The following CSRNP3 variants were observed in gnomAD, a reference collection of about 807,000 sequenced individuals.
CSRNP3 encodes cysteine/serine-rich nuclear protein 3.
In CSRNP3, 12 loss-of-function variants were observed where a neutral mutation model predicts 48.0. That is an observed-to-expected ratio of 0.25 (90% confidence interval 0.16 to 0.41). CSRNP3 has a LOEUF of 0.41. Ranked by LOEUF, CSRNP3 falls within the 10% of genes least tolerant of loss-of-function variation. The pLI is 1.00. For missense variants in CSRNP3, 580 were observed against 724.4 expected, an observed-to-expected ratio of 0.80 and a Z score of 2.29; for synonymous variants, 263 against 269.7, an observed-to-expected ratio of 0.98 and a Z score of 0.24.
chr2:165,520,802 TATA>T (rs1354051653), intron 3 of CSRNP3, among the ~76,000 whole-genome samples: 1 of 57,404 alleles, frequency 1.7e-5, no homozygotes, highest in Non-Finnish European at 3.2e-5. Flanking sequence ...TATATATATA[TATA>T]TATATATATA....
At chr2:165,472,900 G>A (rs958411186) in intron 1 of CSRNP3, among the ~76,000 whole-genome samples, 1 of 151,998 alleles carries the variant, frequency 6.6e-6, no homozygotes, top group Non-Finnish European at 1.5e-5. Flanking sequence ...ATGTCAGTAC[G>A]TTATTTTCAA....
intron 3 of CSRNP3, among the ~76,000 whole-genome samples, chr2:165,591,133 G>A (rs1685709943): frequency 6.6e-6 from 1 of 152,144 alleles, no homozygotes; most frequent in Non-Finnish European, 1.5e-5. Context: ...ATAGTGATAT[G>A]GACAATGAAG....
At chr2:165,603,086 G>A (rs567256481) in intron 4 of CSRNP3, among the ~76,000 whole-genome samples, 23 of 151,680 alleles carry the variant, frequency 1.5e-4, no homozygotes, top group Admixed American at 1.2e-3. Context: ...TAGTAGAGAC[G>A]GGGCTTCACC....
intron 5 of CSRNP3, 56 bp downstream of exon 5, chr2:165,658,076 A>G: frequency 6.4e-7 from 1 of 1,554,050 alleles, no homozygotes. Flanking sequence ...AATTTGATTG[A>G]GTTAACCATT....
At chr2:165,549,711 G>A (rs1685074057) in intron 3 of CSRNP3, among the ~76,000 whole-genome samples, 2 of 152,138 alleles carry the variant, frequency 1.3e-5, no homozygotes, top group Non-Finnish European at 2.9e-5. Context: ...AGGAGATAAA[G>A]ACCATATTTT....
At chr2:165,480,954 G>A (rs1174659821) in intron 1 of CSRNP3, among the ~76,000 whole-genome samples, 1 of 149,686 alleles carries the variant, frequency 6.7e-6, no homozygotes, top group African/African-American at 2.5e-5. Flanking sequence ...TTCAAAACCA[G>A]TCTGGACAAC....
intron 5 of CSRNP3, among the ~76,000 whole-genome samples, chr2:165,658,391 T>C (rs1043572482): frequency 2.0e-5 from 3 of 152,140 alleles, no homozygotes; most frequent in Non-Finnish European, 4.4e-5. Flanking sequence ...CACAACTTCA[T>C]TGAGTGCAAT....
rs554776057 is a variant in CSRNP3, at chr2:165,591,288, A to T, written c.-23-3755A>T. Among the ~76,000 whole-genome samples, 19 of 152,302 alleles carry T rather than the reference A, an allele frequency of 1.2e-4. No individual in the cohort carries two copies. The South Asian group carries it at 3.9e-3, about 32-fold the overall frequency. On this transcript the variant is annotated intron_variant, in intron 3 of 6. Coordinates refer to ENST00000651982, the MANE Select transcript of CSRNP3 (RefSeq NM_001172173.2). Reference sequence around the variant, plus strand: ...TTGAACTTGAGAGAGATGATTTAGGATATCTGGCAGAAGAAATTTCTGAGT... The same window carrying T: ...TTGAACTTGAGAGAGATGATTTAGGTTATCTGGCAGAAGAAATTTCTGAGT...
intron 3 of CSRNP3, among the ~76,000 whole-genome samples, chr2:165,525,080 T>C (rs1684715222): frequency 6.6e-6 from 1 of 152,362 alleles, no homozygotes. Flanking sequence ...ATGCCTTCAC[T>C]GACACTTGGT....
At chr2:165,635,636 A>G (rs1423751615) in intron 4 of CSRNP3, among the ~76,000 whole-genome samples, 1 of 152,190 alleles carries the variant, frequency 6.6e-6, no homozygotes, top group Admixed American at 6.5e-5. Context: ...TTGTTTTCAT[A>G]TGATATAATA....
In CSRNP3 at chr2:165,516,382, C is replaced by T. The variant is rs78530310; in HGVS notation, c.-112-1491C>T. On this transcript the variant is annotated intron_variant, in intron 2 of 6. Coordinates refer to ENST00000651982, the MANE Select transcript of CSRNP3 (RefSeq NM_001172173.2). The stretch of plus-strand genomic sequence containing the variant: ...GAATTTTAAGATATTTAAAATTATA[C>T]CTAAAATTGTACGGCAAGGTGACTA... Among the ~76,000 whole-genome samples, 1,258 of 152,094 alleles carry T rather than the reference C, an allele frequency of 8.3e-3. 23 individuals carry two copies. Among genetic ancestry groups the T allele is most frequent in the African/African-American group, 0.029 (1,184 of 41,466 alleles).
chr2:165,633,342 A>G (rs1686569850), intron 4 of CSRNP3, among the ~76,000 whole-genome samples: 1 of 152,232 alleles, frequency 6.6e-6, no homozygotes, highest in Non-Finnish European at 1.5e-5. Flanking sequence ...GTCTTTAAGA[A>G]AGAAAGTAAT....
At chr2:165,537,690 A>T (rs1232351848) in intron 3 of CSRNP3, among the ~76,000 whole-genome samples, 1 of 151,692 alleles carries the variant, frequency 6.6e-6, no homozygotes, top group African/African-American at 2.4e-5. Flanking sequence ...GTTCACTCCA[A>T]ACTTTCTTTT....
chr2:165,658,054 T>C (rs760560179), intron 5 of CSRNP3, 34 bp downstream of exon 5: 2 of 1,593,224 alleles, frequency 1.3e-6, no homozygotes, highest in Non-Finnish European at 8.6e-7. Context: ...CAAAGTCTCA[T>C]ATCCTTACAG....
At chr2:165,587,754 T>G (rs1221008886) in intron 3 of CSRNP3, among the ~76,000 whole-genome samples, 1 of 152,224 alleles carries the variant, frequency 6.6e-6, no homozygotes, top group African/African-American at 2.4e-5. Context: ...GCTTTTGTGT[T>G]GCTTGTGAGC....
chr2:165,470,466 A>G (rs1421103141), intron 1 of CSRNP3, among the ~76,000 whole-genome samples: 1 of 152,124 alleles, frequency 6.6e-6, no homozygotes, highest in Non-Finnish European at 1.5e-5. Flanking sequence ...TGCTGTAAAA[A>G]ATAGCATCTT....
rs1687637361 is a variant in CSRNP3 at position 165,686,760 on chromosome 2, A to T, written c.*7007A>T. On this transcript the variant is annotated 3_prime_UTR_variant, in exon 7 of 7. Coordinates refer to ENST00000651982, the MANE Select transcript of CSRNP3 (RefSeq NM_001172173.2). ...CCCACTGCCATGGGTTACCATCTGA[A>T]CCCTGATTCATTAGGCACTAGTCAT... is the stretch of plus-strand genomic sequence containing the variant. 6.6e-6 allele frequency: 1 copy of T among 152,100 alleles called. No homozygotes were observed. The highest frequency in any genetic ancestry group is 2.1e-4 in the South Asian group (1 of 4,832). The allele number at this position is 152,100 out of a possible 1,614,324, so 9.4% of individuals were successfully genotyped here.
intron 1 of CSRNP3, among the ~76,000 whole-genome samples, chr2:165,472,295 ACCT>A (rs779811402): frequency 3.3e-5 from 5 of 152,088 alleles, no homozygotes; most frequent in Non-Finnish European, 7.4e-5. Context: ...TTATTTCCTT[ACCT>A]TTGTAATCTA....
At chr2:165,502,124 T>C (rs1369242108) in intron 2 of CSRNP3, among the ~76,000 whole-genome samples, 1 of 152,042 alleles carries the variant, frequency 6.6e-6, no homozygotes, top group East Asian at 1.9e-4. Flanking sequence ...ATACAGAACC[T>C]ACATACTATG....
Sources: allele counts gnomAD v4.1 joint callset (sites outside exome capture counted in the v4.1 genomes callset), GRCh38; gene constraint gnomAD v4.1.1; transcripts MANE v1.5; gene names NCBI Gene and HGNC (gene_info 2026-07-23, HGNC 2026-07-21).